BAG2: variants seen among roughly 807,000 people sequenced by gnomAD.
BAG2 encodes BAG cochaperone 2.
A neutral mutation model predicts 16.4 loss-of-function variants in BAG2; 8 were observed. The ratio of observed to expected loss-of-function variants is 0.49; its 90% CI spans 0.29 to 0.88. The LOEUF (loss-of-function observed/expected upper bound fraction) is 0.88, where lower values mean the gene tolerates loss of function less well. Ranked by LOEUF, BAG2 falls within the 40% of genes least tolerant of loss-of-function variation. The pLI is 0.09. For missense variants in BAG2, 218 were observed against 248.9 expected (o/e 0.88, Z 0.84); for synonymous variants, 82 against 89.2 (o/e 0.92, Z 0.46).
chr6:57,184,172 T>C lies in BAG2; in HGVS notation c.618T>C (p.Ala206=). ...GAGSKTLQQN[A]ESRFN Reference sequence around the variant, plus strand: ...GTTCCAAAACTCTGCAACAAAATGCTGAAAGCAGATTCAATTAGTCTTCAA... The same window carrying C: ...GTTCCAAAACTCTGCAACAAAATGCCGAAAGCAGATTCAATTAGTCTTCAA... Residue 206 remains alanine (A), a synonymous_variant, in exon 3 of 3, where the codon GCT becomes GCC. Coordinates refer to ENST00000370693, the MANE Select transcript of BAG2 (RefSeq NM_004282.4). 6.5e-7 allele frequency: 1 copy of C among 1,547,782 alleles called. No homozygotes were observed. The highest frequency in any genetic ancestry group is 8.6e-7 in the Non-Finnish European group (1 of 1,156,218).
At chr6:57,174,472 T>G in intron 1 of BAG2, 1 of 1,123,886 alleles carries the variant, frequency 8.9e-7, no homozygotes, top group Non-Finnish European at 1.2e-6. Context: ...ATTCTACTGT[T>G]TGATTAATGT....
chr6:57,183,640 A>C, intron 2 of BAG2, 138 bp from the exon 3 acceptor site: 1 of 648,152 alleles, frequency 1.5e-6, no homozygotes, highest in East Asian at 2.9e-5. Context: ...TTCATCAGTT[A>C]ATCTTACATG....
intron 1 of BAG2, chr6:57,173,480 C>G: frequency 1.0e-6 from 1 of 985,292 alleles, no homozygotes; most frequent in Non-Finnish European, 1.2e-6. Flanking sequence ...TGGGCACCTC[C>G]CTACATAGAA....
intron 1 of BAG2, chr6:57,173,101 AAAATC>A: frequency 9.6e-7 from 1 of 1,041,964 alleles, no homozygotes. Context: ...GGAGCGGAAA[AAAATC>A]AGAGGAGATA....
At position 57,183,863 on chromosome 6, in the gene BAG2, C is replaced by T; in HGVS notation, c.309C>T (p.Asn103=). The change falls in exon 3 of 3, where the codon AAC becomes AAT. Residue 103 remains asparagine (N), a synonymous_variant. Coordinates refer to ENST00000370693, the MANE Select transcript of BAG2 (RefSeq NM_004282.4). ...AAGTGTCAGTAGAAACAATTAGAAA[C>T]CCCCAGCAGCAAGAATCCCTAAAGC... ...TVEVSVETIR[N]PQQQESLKHA... 1 of 1,613,920 alleles carries T rather than the reference C, an allele frequency of 6.2e-7. No homozygotes were observed. Among genetic ancestry groups the T allele is most frequent in the Non-Finnish European group, 8.5e-7 (1 of 1,179,912 alleles).
rs988381236 is a variant in BAG2, at chr6:57,188,602, G to A, written c.*4412G>A. 4 of 152,132 alleles carry A rather than the reference G, an allele frequency of 2.6e-5. No homozygotes were observed. Among genetic ancestry groups the A allele is most frequent in the Admixed American group, 2.6e-4 (4 of 15,274 alleles). The allele number at this position is 152,132 out of a possible 1,614,324, so 9.4% of individuals were successfully genotyped here. A position where few individuals can be genotyped will look rare whatever the true frequency, so the allele number is the denominator to read the frequency against. ...GGAGAGTAGAGAGTAGAAAATTGAAGAGAGTAGAAAAGATGACTCATTAGC... is the reference window on the plus strand; with the variant it reads ...GGAGAGTAGAGAGTAGAAAATTGAAAAGAGTAGAAAAGATGACTCATTAGC... On this transcript the variant is annotated 3_prime_UTR_variant, in exon 3 of 3. Transcript: ENST00000370693.
intron 1 of BAG2, among the ~76,000 whole-genome samples, chr6:57,176,432 A>C (rs1764288361): frequency 6.6e-6 from 1 of 152,210 alleles, no homozygotes; most frequent in Non-Finnish European, 1.5e-5. Context: ...TTCAATCTAA[A>C]TTGGCCTTTA....
At chr6:57,182,182 C>T (rs754836702) in intron 2 of BAG2, 41 bp downstream of exon 2, 2 of 1,553,726 alleles carry the variant, frequency 1.3e-6, no homozygotes, top group African/African-American at 1.4e-5. Context: ...CTTTTACACT[C>T]CTTTAAAGAG....
chr6:57,173,147 G>C lies in BAG2; in HGVS notation c.113+337G>C. ...TACAGTGAGATTCCATGCGATTAAG[G>C]ACTGTGGCAGCTTGGGTCTGCAGAA... On this transcript the variant is annotated intron_variant, in intron 1 of 2. Transcript: ENST00000370693. 10 of 1,017,298 alleles carry C rather than the reference G, an allele frequency of 9.8e-6. 2 individuals carry two copies. The allele number at this position is 1,017,298 out of a possible 1,614,324, so 63.0% of individuals were successfully genotyped here. A position where few individuals can be genotyped will look rare whatever the true frequency, so the allele number is the denominator to read the frequency against.
At chr6:57,182,174 T>C in intron 2 of BAG2, 33 bp downstream of exon 2, 1 of 1,575,622 alleles carries the variant, frequency 6.3e-7, no homozygotes. Context: ...GGGCTCATCT[T>C]TTACACTCCT....
rs1764572906 is a variant in BAG2 at position 57,184,717 on chromosome 6, A to C, written c.*527A>C. 6.6e-6 allele frequency: 1 copy of C among 152,642 alleles called. No individual in the cohort carries two copies. Among genetic ancestry groups the C allele is most frequent in the Non-Finnish European group, 1.5e-5 (1 of 68,026 alleles). The allele number at this position is 152,642 out of a possible 1,614,324, so 9.5% of individuals were successfully genotyped here. A position where few individuals can be genotyped will look rare whatever the true frequency, so the allele number is the denominator to read the frequency against. On this transcript the variant is annotated 3_prime_UTR_variant, in exon 3 of 3. Transcript: ENST00000370693. ...ATCTGTATCAAATTATTTTGGATGT[A>C]AAGATTCCTGTGTCTCATAATATGA...
Position 57,183,970 on chromosome 6 carries a change from A to AC in BAG2, c.417dup (p.Ser140GlnfsTer6). On this transcript the variant is annotated frameshift_variant, in exon 3 of 3. Coordinates refer to ENST00000370693, the MANE Select transcript of BAG2 (RefSeq NM_004282.4). LOFTEE classifies it high-confidence loss of function. ...GCCAAGAGTCATTTAATGTCGCTCTACAGTGCATGTTCATCTGAGGTGCCA... is the reference window on the plus strand; with the variant it reads ...GCCAAGAGTCATTTAATGTCGCTCTACCAGTGCATGTTCATCTGAGGTGCCA... 1 of 1,613,784 alleles carries AC rather than the reference A, an allele frequency of 6.2e-7. No homozygotes were observed. The highest frequency in any genetic ancestry group is 8.5e-7 in the Non-Finnish European group (1 of 1,179,860).
Position 57,183,920 on chromosome 6 carries a change from T to G in BAG2, c.366T>G (p.Asn122Lys). The G allele has an allele frequency of 6.2e-7, 1 of 1,614,134 alleles. No homozygotes were observed. Among genetic ancestry groups the G allele is most frequent in the Non-Finnish European group, 8.5e-7 (1 of 1,180,018 alleles). Residue 122 changes from asparagine (N) to lysine (K), a missense_variant, in exon 3 of 3, where the codon AAT (asparagine) becomes AAG (lysine). Physicochemically the swap from Asn to Lys is moderately conservative, Grantham distance 94. Around this residue, in one of 3 missense-constraint regions of BAG2, gnomAD observed 113 missense variants for 128.0 expected, o/e 0.88. Coordinates refer to ENST00000370693, the MANE Select transcript of BAG2 (RefSeq NM_004282.4). ...HATRIIDEVV[N>K]KFLDDLGNAK... ...CAAGGATTATTGATGAGGTGGTCAA[T>G]AAGTTTCTGGATGATTTGGGAAATG...
At chr6:57,175,246 A>G (rs1764244655) in intron 1 of BAG2, among the ~76,000 whole-genome samples, 1 of 152,210 alleles carries the variant, frequency 6.6e-6, no homozygotes, top group African/African-American at 2.4e-5. Flanking sequence ...AATTTGTAAA[A>G]AATACTATGA....
In BAG2 at chr6:57,184,743, ATG is replaced by A. The variant is rs1056438504; in HGVS notation, c.*555_*556del. ...AAGATTCCTGTGTCTCATAATATGA[ATG>A]TATTTTTTGATATACAAGAAACTGA... On this transcript the variant is annotated 3_prime_UTR_variant, in exon 3 of 3. Coordinates refer to ENST00000370693, the MANE Select transcript of BAG2 (RefSeq NM_004282.4). 2.4e-4 allele frequency: 37 copies of A among 152,754 alleles called. No individual in the cohort carries two copies. Among genetic ancestry groups the A allele is most frequent in the African/African-American group, 8.9e-4 (37 of 41,586 alleles). 9.5% of individuals were successfully genotyped at this position (152,754 alleles called of 1,614,324 possible).
At chr6:57,183,576 A>G (rs535535672) in intron 2 of BAG2, among the ~76,000 whole-genome samples, 4 of 152,320 alleles carry the variant, frequency 2.6e-5, no homozygotes, top group African/African-American at 9.6e-5. Context: ...TATCCCATAT[A>G]TGCAGATTGT....
intron 1 of BAG2, chr6:57,173,082 A>G: frequency 1.1e-6 from 1 of 936,082 alleles, no homozygotes; most frequent in Non-Finnish European, 1.3e-6. Context: ...TAATTTACCT[A>G]GGTGTTAGGG....
At chr6:57,183,342 TTC>T (rs1764524865) in intron 2 of BAG2, among the ~76,000 whole-genome samples, 1 of 152,230 alleles carries the variant, frequency 6.6e-6, no homozygotes, top group African/African-American at 2.4e-5. Context: ...ACAGCTTATC[TTC>T]TATCGTGGCT....
Position 57,184,282 on chromosome 6 carries a change from C to T in BAG2, c.*92C>T, listed in dbSNP as rs1045394501. On this transcript the variant is annotated 3_prime_UTR_variant, in exon 3 of 3. Transcript: ENST00000370693. ...ATAACTAGTTCTTTGTTAGGTATAA[C>T]CACTTAGTTGACACTGATAGTTGTT... is the stretch of plus-strand genomic sequence containing the variant. 1 of 1,218,342 alleles carries T rather than the reference C, an allele frequency of 8.2e-7. No individual in the cohort carries two copies. The highest frequency in any genetic ancestry group is 1.1e-6 in the Non-Finnish European group (1 of 935,442). The allele number at this position is 1,218,342 out of a possible 1,614,324, so 75.5% of individuals were successfully genotyped here.
Sources: allele counts gnomAD v4.1 joint callset (sites outside exome capture counted in the v4.1 genomes callset), GRCh38; gene constraint gnomAD v4.1.1; regional missense constraint gnomAD v4.1.1; transcripts MANE v1.5; gene names NCBI Gene and HGNC (gene_info 2026-07-23, HGNC 2026-07-21).